The following TNIK variants were observed in gnomAD, a reference collection of about 807,000 sequenced individuals.
The protein encoded by TNIK is TRAF2 and NCK interacting kinase.
Under a neutral mutation model 191.3 loss-of-function variants are expected in TNIK, and 49 were observed. The observed-to-expected ratio is 0.26, with a 90% CI of 0.20 to 0.32. The LOEUF (loss-of-function observed/expected upper bound fraction) is 0.32, where lower values mean the gene tolerates loss of function less well. TNIK is among the 10% of genes least tolerant of loss of function. The probability of loss-of-function intolerance (pLI) is 1.00; values close to 1 mark genes in which losing one functional copy is unlikely to be tolerated. For missense variants in TNIK, 1,155 were observed against 1,702.3 expected (o/e 0.68, Z 5.66); for synonymous variants, 594 against 600.9 (o/e 0.99, Z 0.17).
At chr3:171,284,657 C>A (rs1205954968) in intron 2 of TNIK, among the ~76,000 whole-genome samples, 1 of 152,048 alleles carries the variant, frequency 6.6e-6, no homozygotes, top group Non-Finnish European at 1.5e-5. Flanking sequence ...TTGCAAATAG[C>A]CAGTCCCAAA....
chr3:171,359,605 AG>A (rs1714671860), intron 2 of TNIK, among the ~76,000 whole-genome samples: 1 of 152,192 alleles, frequency 6.6e-6, no homozygotes, highest in South Asian at 2.1e-4. Flanking sequence ...ACCCCATTCT[AG>A]ACCCTCACCA....
intron 10 of TNIK, among the ~76,000 whole-genome samples, chr3:171,164,910 C>T (rs1489989719): frequency 2.6e-5 from 4 of 152,186 alleles, no homozygotes; most frequent in East Asian, 1.9e-4. Context: ...GCAGATGAGC[C>T]ACCGTTTTGG....
chr3:171,155,741 C>A (rs946189781), intron 12 of TNIK, among the ~76,000 whole-genome samples: 3 of 152,182 alleles, frequency 2.0e-5, no homozygotes, highest in African/African-American at 7.2e-5. Flanking sequence ...AGATTCTGTG[C>A]CCTTGCGCAG....
intron 1 of TNIK, among the ~76,000 whole-genome samples, chr3:171,420,211 T>C (rs560878359): frequency 2.0e-5 from 3 of 152,328 alleles, no homozygotes; most frequent in African/African-American, 7.2e-5. Flanking sequence ...CCTTTTGGGA[T>C]ATGCAGAAGA....
intron 1 of TNIK, among the ~76,000 whole-genome samples, chr3:171,377,093 G>A (rs1717367771): frequency 6.6e-6 from 1 of 152,204 alleles, no homozygotes; most frequent in Non-Finnish European, 1.5e-5. Context: ...GGGAAGGGCT[G>A]TCCTGAGTGT....
chr3:171,131,300 T>C (rs1298475352), intron 15 of TNIK, among the ~76,000 whole-genome samples: 1 of 113,800 alleles, frequency 8.8e-6, no homozygotes, highest in Non-Finnish European at 1.6e-5. Context: ...ATCGCGCCAC[T>C]GCACTCCAGC....
chr3:171,082,499 T>C, intron 26 of TNIK, 105 bp from the exon 27 acceptor site: 1 of 1,314,656 alleles, frequency 7.6e-7, no homozygotes, highest in Non-Finnish European at 1.0e-6. Context: ...AAATATACAC[T>C]AATGGGCAAG....
chr3:171,409,896 C>A (rs1038733422), intron 1 of TNIK, among the ~76,000 whole-genome samples: 41 of 151,668 alleles, frequency 2.7e-4, no homozygotes, highest in Middle Eastern at 6.8e-3. Flanking sequence ...AGTGTCTTTT[C>A]TGCCAATTTG....
chr3:171,338,490 T>C (rs1757196867), intron 2 of TNIK, among the ~76,000 whole-genome samples: 1 of 152,264 alleles, frequency 6.6e-6, no homozygotes, highest in Middle Eastern at 3.4e-3. Flanking sequence ...AACTCTTTTT[T>C]ATTATTTTTT....
At chr3:171,385,210 CTG>C (rs1718567030) in intron 1 of TNIK, among the ~76,000 whole-genome samples, 1 of 152,068 alleles carries the variant, frequency 6.6e-6, no homozygotes, top group African/African-American at 2.4e-5. Flanking sequence ...GGGCTGATGA[CTG>C]AGGTATCTAC....
intron 1 of TNIK, among the ~76,000 whole-genome samples, chr3:171,426,638 C>T (rs1724668727): frequency 6.6e-6 from 1 of 152,088 alleles, no homozygotes; most frequent in Non-Finnish European, 1.5e-5. Context: ...TACCTTGCTT[C>T]AACCTCCCTC....
intron 3 of TNIK, among the ~76,000 whole-genome samples, chr3:171,218,959 T>A (rs1344237246): frequency 1.5e-5 from 2 of 129,916 alleles, no homozygotes; most frequent in African/African-American, 2.9e-5. Flanking sequence ...ATAATAAATA[T>A]TAAATATTTA....
intron 2 of TNIK, among the ~76,000 whole-genome samples, chr3:171,253,702 C>T (rs893541121): frequency 6.0e-5 from 9 of 151,032 alleles, no homozygotes; most frequent in Non-Finnish European, 8.8e-5. Flanking sequence ...TACCTTCTCC[C>T]GAATCCTCTC....
chr3:171,135,804 A>G (rs1729915711), intron 15 of TNIK, among the ~76,000 whole-genome samples: 1 of 152,168 alleles, frequency 6.6e-6, no homozygotes, highest in Non-Finnish European at 1.5e-5. Context: ...TGTTTCTTTT[A>G]CTGCTAGGAG....
At chr3:171,397,266 C>T (rs1196986099) in intron 1 of TNIK, among the ~76,000 whole-genome samples, 1 of 152,208 alleles carries the variant, frequency 6.6e-6, no homozygotes, top group African/African-American at 2.4e-5. Context: ...GTCTGCTACA[C>T]TCCCCTTTTG....
chr3:171,295,621 C>T (rs558405257), intron 2 of TNIK, among the ~76,000 whole-genome samples: 2 of 152,346 alleles, frequency 1.3e-5, no homozygotes, highest in African/African-American at 4.8e-5. Flanking sequence ...GAAAAAGTAG[C>T]CAGTGTTCAT....
At chr3:171,442,738 C>A (rs1229952495) in intron 1 of TNIK, among the ~76,000 whole-genome samples, 1 of 152,144 alleles carries the variant, frequency 6.6e-6, no homozygotes, top group Non-Finnish European at 1.5e-5. Context: ...CAGGTTCCAG[C>A]AGATTTCCCA....
chr3:171,144,250 C>A (rs372574107), intron 12 of TNIK, among the ~76,000 whole-genome samples: 1 of 151,866 alleles, frequency 6.6e-6, no homozygotes, highest in East Asian at 1.9e-4. Context: ...ATTTTTTTTC[C>A]GGTGGGGAGA....
chr3:171,325,807 T>C (rs900892296), intron 2 of TNIK, among the ~76,000 whole-genome samples: 2 of 152,232 alleles, frequency 1.3e-5, no homozygotes, highest in Non-Finnish European at 2.9e-5. Context: ...AATTGATGTT[T>C]GCACAAGGGC....
Sources: allele counts gnomAD v4.1 joint callset (sites outside exome capture counted in the v4.1 genomes callset), GRCh38; gene constraint gnomAD v4.1.1; transcripts MANE v1.5; gene names NCBI Gene and HGNC (gene_info 2026-07-23, HGNC 2026-07-21).